The following CNTNAP2 variants were observed in gnomAD, a reference collection of about 807,000 sequenced individuals.
CNTNAP2 encodes contactin associated protein 2.
A neutral mutation model predicts 155.2 loss-of-function variants in CNTNAP2; 98 were observed. The observed-to-expected ratio is 0.63, with a 90% CI of 0.54 to 0.75. The LOEUF (loss-of-function observed/expected upper bound fraction) is 0.75, where lower values mean the gene tolerates loss of function less well. Among genes scored for constraint, CNTNAP2 ranks in the 30% least tolerant of loss-of-function variants. The pLI, the probability that CNTNAP2 is intolerant of heterozygous loss-of-function variation, is 0.00. For missense variants in CNTNAP2, 1,727 were observed against 1,688.1 expected, an observed-to-expected ratio of 1.02 and a Z score of -0.40; for synonymous variants, 651 against 631.2, an observed-to-expected ratio of 1.03 and a Z score of -0.47.
intron 13 of CNTNAP2, among the ~76,000 whole-genome samples, chr7:147,664,479 T>G (rs1795664537): frequency 1.3e-5 from 2 of 152,204 alleles, no homozygotes; most frequent in African/African-American, 2.4e-5. Flanking sequence ...TTCTTTTGGT[T>G]TTTCTGCCAC....
chr7:147,684,129 A>G (rs1302971270), intron 13 of CNTNAP2, among the ~76,000 whole-genome samples: 10 of 151,818 alleles, frequency 6.6e-5, no homozygotes, highest in Non-Finnish European at 1.5e-4. Flanking sequence ...CTTTAAAGAG[A>G]ACATGACAGA....
intron 9 of CNTNAP2, among the ~76,000 whole-genome samples, chr7:147,357,487 T>C (rs1316413595): frequency 6.6e-6 from 1 of 152,128 alleles, no homozygotes; most frequent in Non-Finnish European, 1.5e-5. Flanking sequence ...TGATCCTACA[T>C]GCAGCAGCAG....
intron 4 of CNTNAP2, among the ~76,000 whole-genome samples, chr7:147,093,604 C>T (rs771349374): frequency 5.9e-5 from 9 of 152,054 alleles, no homozygotes; most frequent in Non-Finnish European, 8.8e-5. Flanking sequence ...CACAAACACT[C>T]ATACCGTAGC....
chr7:146,287,007 G>A (rs1800347723), intron 1 of CNTNAP2, among the ~76,000 whole-genome samples: 1 of 152,116 alleles, frequency 6.6e-6, no homozygotes, highest in Non-Finnish European at 1.5e-5. Flanking sequence ...TCCCTCTGGA[G>A]CAAACAGAAC....
chr7:147,912,053 C>T (rs1800076525), intron 14 of CNTNAP2, among the ~76,000 whole-genome samples: 1 of 152,062 alleles, frequency 6.6e-6, no homozygotes. Flanking sequence ...CTGAATGTGA[C>T]CTGATTTCAA....
chr7:146,315,568 A>G (rs977795498), intron 1 of CNTNAP2, among the ~76,000 whole-genome samples: 1 of 152,040 alleles, frequency 6.6e-6, no homozygotes, highest in Non-Finnish European at 1.5e-5. Flanking sequence ...ACTCATGGCT[A>G]TTTACTTGGT....
At chr7:147,379,266 C>A (rs1796492863) in intron 9 of CNTNAP2, among the ~76,000 whole-genome samples, 1 of 152,024 alleles carries the variant, frequency 6.6e-6, no homozygotes. Flanking sequence ...ATATTTAATT[C>A]TCATTTTACT....
In CNTNAP2 at chr7:148,186,283, CACA is replaced by C. The variant is rs988650135; in HGVS notation, c.3010+13812_3010+13814del. ...CACATAGTTTACCTTATTTAATCAT[CACA>C]ACAACATTCAGGCATTGATATGATC... On this transcript the variant is annotated intron_variant, in intron 18 of 23. Coordinates refer to ENST00000361727, the MANE Select transcript of CNTNAP2 (RefSeq NM_014141.6). Among the ~76,000 whole-genome samples, 5 of 152,302 alleles carry C rather than the reference CACA, an allele frequency of 3.3e-5. No homozygotes were observed. In the East Asian group the frequency reaches 7.7e-4, roughly 23 times the overall value.
At chr7:147,963,769 G>A (rs1185037361) in intron 14 of CNTNAP2, among the ~76,000 whole-genome samples, 1 of 152,116 alleles carries the variant, frequency 6.6e-6, no homozygotes, top group African/African-American at 2.4e-5. Flanking sequence ...AACTTTCATA[G>A]AGGGAAGTGC....
chr7:148,046,538 C>T (rs369629370), intron 15 of CNTNAP2, among the ~76,000 whole-genome samples: 2 of 152,000 alleles, frequency 1.3e-5, no homozygotes, highest in Non-Finnish European at 2.9e-5. Context: ...ATCTGTTTTC[C>T]GAGTTAGACT....
chr7:147,009,032 A>G (rs1798576690), intron 3 of CNTNAP2, among the ~76,000 whole-genome samples: 1 of 151,250 alleles, frequency 6.6e-6, no homozygotes, highest in Non-Finnish European at 1.5e-5. Flanking sequence ...TTGGGGTAAT[A>G]TTACTCCAAA....
rs545446423 is a variant in CNTNAP2, at chr7:148,189,559, G to T, written c.3010+17081G>T. ...TGGGTGGCAGAAGCTCAAGGGCATG[G>T]CTCCTCTTCTCTTTGCCCTTCTGCC... On this transcript the variant is annotated intron_variant, in intron 18 of 23. Coordinates refer to ENST00000361727, the MANE Select transcript of CNTNAP2 (RefSeq NM_014141.6). 3.3e-5 allele frequency among the ~76,000 whole-genome samples: 5 copies of T among 152,252 alleles called. No homozygotes were observed. The South Asian group carries it at 1.0e-3, about 32-fold the overall frequency.
At chr7:146,948,537 C>T (rs1301959112) in intron 3 of CNTNAP2, among the ~76,000 whole-genome samples, 1 of 152,080 alleles carries the variant, frequency 6.6e-6, no homozygotes, top group Admixed American at 6.6e-5. Context: ...AGGGCCTAAT[C>T]AGGAGTTTGA....
At chr7:146,914,179 A>G (rs886090138) in intron 3 of CNTNAP2, among the ~76,000 whole-genome samples, 6 of 151,604 alleles carry the variant, frequency 4.0e-5, no homozygotes, top group Non-Finnish European at 8.8e-5. Flanking sequence ...TACACACCAC[A>G]TTTTCTTTAT....
chr7:146,776,582 A>T (rs1345909005), intron 2 of CNTNAP2, among the ~76,000 whole-genome samples: 1 of 152,182 alleles, frequency 6.6e-6, no homozygotes, highest in Non-Finnish European at 1.5e-5. Context: ...AGTGTCAATT[A>T]TGGGAATTAG....
chr7:146,452,604 G>A (rs1315325416), intron 1 of CNTNAP2, among the ~76,000 whole-genome samples: 2 of 152,042 alleles, frequency 1.3e-5, no homozygotes, highest in African/African-American at 2.4e-5. Context: ...ATATTCAATC[G>A]CCTTTATACA....
intron 1 of CNTNAP2, among the ~76,000 whole-genome samples, chr7:146,315,004 G>A (rs1254022499): frequency 6.6e-6 from 1 of 152,208 alleles, no homozygotes; most frequent in South Asian, 2.1e-4. Context: ...CAGAGAGACT[G>A]CAGGGCTGGG....
chr7:146,225,802 GT>G (rs1166600796), intron 1 of CNTNAP2, among the ~76,000 whole-genome samples: 3 of 152,148 alleles, frequency 2.0e-5, no homozygotes, highest in Non-Finnish European at 4.4e-5. Context: ...CCAGCTCACT[GT>G]TATGCTGGTA....
chr7:147,590,896 G>C (rs1800723551), intron 12 of CNTNAP2, among the ~76,000 whole-genome samples: 1 of 152,178 alleles, frequency 6.6e-6, no homozygotes, highest in African/African-American at 2.4e-5. Flanking sequence ...AGAAACTACT[G>C]AGTGAGAGAG....
Sources: gnomAD v4.1 joint callset for allele counts (sites outside exome capture counted in the v4.1 genomes callset) on GRCh38, gnomAD v4.1.1 for gene constraint, MANE v1.5 for transcripts, NCBI Gene and HGNC (gene_info 2026-07-23, HGNC 2026-07-21) for gene names.